The following OR6Y1 variants were observed in gnomAD, a reference collection of about 807,000 sequenced individuals.
OR6Y1 encodes olfactory receptor 6Y1.
OR6Y1 carries 1 observed loss-of-function variant against 0.4 expected under a neutral mutation model. That is an observed-to-expected ratio of 2.74 (90% CI 0.97 to 13.02). OR6Y1 has a LOEUF of 13.02. OR6Y1 is among the 30% of genes most tolerant of loss of function. The pLI is 0.12. For missense variants in OR6Y1, 480 were observed against 399.8 expected (o/e 1.20, Z -1.71); for synonymous variants, 173 against 141.1 (o/e 1.23, Z -1.60).
At chr1:158,553,340 C>T (rs537561909) in intron 1 of OR6Y1, among the ~76,000 whole-genome samples, 1 of 152,138 alleles carries the variant, frequency 6.6e-6, no homozygotes, top group Non-Finnish European at 1.5e-5. Context: ...TTCTAGTGTT[C>T]TATAGCACTG....
At chr1:158,552,651 T>C (rs1009644593) in intron 1 of OR6Y1, among the ~76,000 whole-genome samples, 1 of 152,048 alleles carries the variant, frequency 6.6e-6, no homozygotes, top group Non-Finnish European at 1.5e-5. Flanking sequence ...CCATACAAGC[T>C]CTGTGGGGAT....
chr1:158,551,116 T>A (rs1647693024), intron 1 of OR6Y1, among the ~76,000 whole-genome samples: 1 of 100,048 alleles, frequency 1.0e-5, no homozygotes, highest in Admixed American at 9.1e-5. Flanking sequence ...ATGAATTGGG[T>A]GAGGCTTTTT....
intron 1 of OR6Y1, among the ~76,000 whole-genome samples, chr1:158,550,927 C>T (rs555589531): frequency 6.6e-6 from 1 of 152,010 alleles, no homozygotes; most frequent in African/African-American, 2.4e-5. Context: ...ATCATTCTAT[C>T]TGATGTTCAC....
In OR6Y1 at chr1:158,549,195, T is replaced by C. The variant is rs1010913048; in HGVS notation, c.-1090A>G. ...TCAGAGAAAACAAGCAAGAATTCTATTAGTGACTCTTCTGCATTTCTGTTC... is the reference window on the plus strand; with the variant it reads ...TCAGAGAAAACAAGCAAGAATTCTACTAGTGACTCTTCTGCATTTCTGTTC... On this transcript the variant is annotated 5_prime_UTR_variant, in exon 2 of 2. An upstream open reading frame in the 5' UTR loses its in-frame stop. Coordinates refer to ENST00000641622, the MANE Select transcript of OR6Y1 (RefSeq NM_001005189.2). 2 of 151,808 alleles carry C rather than the reference T, an allele frequency of 1.3e-5. No individual in the cohort carries two copies. The highest frequency in any genetic ancestry group is 6.6e-5 in the Admixed American group (1 of 15,252). 9.4% of individuals were successfully genotyped at this position (151,808 alleles called of 1,614,324 possible). A position where few individuals can be genotyped will look rare whatever the true frequency, so the allele number is the denominator to read the frequency against.
chr1:158,547,699 C>CATGATGACTG lies in OR6Y1; in HGVS notation c.406_407insCAGTCATCAT (p.Arg136ProfsTer32). The CATGATGACTG allele has an allele frequency of 1.2e-6, 2 of 1,613,342 alleles. No homozygotes were observed. Among genetic ancestry groups the CATGATGACTG allele is most frequent in the Non-Finnish European group, 1.7e-6 (2 of 1,179,952 alleles). Reference sequence around the variant, plus strand: ...CTGGTTGGTCATGATGACTGGGTAGCGTAGTGGATTACAAATGGCTACATA... The same window carrying CATGATGACTG: ...CTGGTTGGTCATGATGACTGGGTAGCATGATGACTGGTAGTGGATTACAAATGGCTACATA... On this transcript the variant is annotated frameshift_variant, in exon 2 of 2. Transcript: ENST00000641622. LOFTEE classifies it low-confidence loss of function (END_TRUNC).
chr1:158,553,536 G>A (rs746713023), intron 1 of OR6Y1, among the ~76,000 whole-genome samples: 2 of 151,438 alleles, frequency 1.3e-5, no homozygotes, highest in East Asian at 1.9e-4. Context: ...CCGCAAATAC[G>A]TACAATTATA....
chr1:158,553,414 G>GAGTTTCAA (rs1176775586), intron 1 of OR6Y1, among the ~76,000 whole-genome samples: 1 of 152,044 alleles, frequency 6.6e-6, no homozygotes, highest in Non-Finnish European at 1.5e-5. Flanking sequence ...TTTGAAGGAG[G>GAGTTTCAA]ATACTGAATG....
At position 158,546,382 on chromosome 1, in the gene OR6Y1, A is replaced by C. The variant is rs79635994; in HGVS notation, c.*746T>G. The C allele has an allele frequency of 6.6e-6, 1 of 152,210 alleles. No homozygotes were observed. Among genetic ancestry groups the C allele is most frequent in the Non-Finnish European group, 1.5e-5 (1 of 68,036 alleles). 9.4% of individuals were successfully genotyped at this position (152,210 alleles called of 1,614,324 possible). Reference sequence around the variant, plus strand: ...TTTTTCCATTGAGAGTTTAATTTTTATAAGTTTATTTTAAAGTGTTTTTTA... The same window carrying C: ...TTTTTCCATTGAGAGTTTAATTTTTCTAAGTTTATTTTAAAGTGTTTTTTA... On this transcript the variant is annotated 3_prime_UTR_variant, in exon 2 of 2. Transcript: ENST00000641622.
intron 1 of OR6Y1, among the ~76,000 whole-genome samples, chr1:158,551,082 G>A (rs1557896702): frequency 6.6e-6 from 1 of 150,688 alleles, no homozygotes; most frequent in Non-Finnish European, 1.5e-5. Context: ...TGATTTTTGT[G>A]TATGAGTATG....
chr1:158,548,279 G>A lies in OR6Y1; in HGVS notation c.-174C>T. The A allele has an allele frequency of 3.4e-6, 2 of 595,864 alleles. No individual in the cohort carries two copies. Among genetic ancestry groups the A allele is most frequent in the South Asian group, 5.0e-5 (2 of 39,820 alleles). The allele number at this position is 595,864 out of a possible 1,614,324, so 36.9% of individuals were successfully genotyped here. ...AGAACCAAAGCTTTTGAGAAAAGAT[G>A]GAATTTAGGGAGCTTATATTTTAAC... On this transcript the variant is annotated 5_prime_UTR_variant, in exon 2 of 2. Coordinates refer to ENST00000641622, the MANE Select transcript of OR6Y1 (RefSeq NM_001005189.2).
intron 1 of OR6Y1, among the ~76,000 whole-genome samples, chr1:158,550,134 C>T (rs115655230): frequency 6.6e-6 from 1 of 151,838 alleles, no homozygotes; most frequent in Non-Finnish European, 1.5e-5. Flanking sequence ...TTCTTGGAAT[C>T]ACCCACAGTG....
At chr1:158,551,757 C>CAT (rs1202958166) in intron 1 of OR6Y1, among the ~76,000 whole-genome samples, 4 of 151,492 alleles carry the variant, frequency 2.6e-5, no homozygotes, top group Non-Finnish European at 5.9e-5. Flanking sequence ...CACACACACA[C>CAT]ACACACACAA....
intron 1 of OR6Y1, among the ~76,000 whole-genome samples, chr1:158,553,252 T>C (rs1314316899): frequency 6.6e-6 from 1 of 152,224 alleles, no homozygotes; most frequent in Non-Finnish European, 1.5e-5. Context: ...TGAAAATAAA[T>C]GTGGTCACAT....
At position 158,547,566 on chromosome 1, in the gene OR6Y1, A is replaced by T; in HGVS notation, c.540T>A (p.Asn180Lys). 6.2e-7 allele frequency: 1 copy of T among 1,613,338 alleles called. No homozygotes were observed. The change falls in exon 2 of 2, where the codon AAT (asparagine) becomes AAA (lysine). Residue 180 changes from asparagine to lysine, a missense_variant. Coordinates refer to ENST00000641622, the MANE Select transcript of OR6Y1 (RefSeq NM_001005189.2). Reference sequence around the variant, plus strand: ...GTGGAGAGATATCACAAAAGTAGTGATTGATCTGAGGCATGCCACAGTAGT... The same window carrying T: ...GTGGAGAGATATCACAAAAGTAGTGTTTGATCTGAGGCATGCCACAGTAGT... ...QLHYCGMPQI[N>K]HYFCDISPLL...
chr1:158,547,844 C>A lies in OR6Y1; in HGVS notation c.262G>T (p.Val88Phe). The A allele has an allele frequency of 6.2e-7, 1 of 1,613,602 alleles. No homozygotes were observed. Among genetic ancestry groups the A allele is most frequent in the East Asian group, 2.2e-5 (1 of 44,872 alleles). The change falls in exon 2 of 2, where the codon GTT becomes TTT. Residue 88 changes from valine to phenylalanine, a missense_variant. By Grantham distance (50) the Val-to-Phe change is conservative. Coordinates refer to ENST00000641622, the MANE Select transcript of OR6Y1 (RefSeq NM_001005189.2). ...CTCTTGTCATGACTGAGGAAGTCAA[C>A]AAGCATCTTGGGGCTGATGACTGTG... ...YVTVISPKML[V>F]DFLSHDKSIS...
In OR6Y1 at chr1:158,547,001, G is replaced by GCACA; in HGVS notation, c.*123_*126dup. 1.2e-6 allele frequency: 1 copy of GCACA among 825,350 alleles called. No individual in the cohort carries two copies. The highest frequency in any genetic ancestry group is 1.9e-6 in the Non-Finnish European group (1 of 533,312). The allele number at this position is 825,350 out of a possible 1,614,324, so 51.1% of individuals were successfully genotyped here. On this transcript the variant is annotated 3_prime_UTR_variant, in exon 2 of 2. Transcript: ENST00000641622. ...ATTGTGTATACACACACACACACAT[G>GCACA]CACACACACACAGAGGAGAGCAGTG...
chr1:158,546,846 T>A lies in OR6Y1; in HGVS notation c.*282A>T, dbSNP rs1647549545. 3 of 268,402 alleles carry A rather than the reference T, an allele frequency of 1.1e-5. No individual in the cohort carries two copies. The Admixed American group carries it at 1.5e-4, about 13-fold the overall frequency. 16.6% of individuals were successfully genotyped at this position (268,402 alleles called of 1,614,324 possible). A position where few individuals can be genotyped will look rare whatever the true frequency, so the allele number is the denominator to read the frequency against. On this transcript the variant is annotated 3_prime_UTR_variant, in exon 2 of 2. Coordinates refer to ENST00000641622, the MANE Select transcript of OR6Y1 (RefSeq NM_001005189.2). ...TTCATCTTCCTCCTTTCCTCCCTCC[T>A]ACCACCCACTCTCTCTGTCTCTCTC...
At position 158,549,028 on chromosome 1, in the gene OR6Y1, T is replaced by C. The variant is rs1212780545; in HGVS notation, c.-923A>G. The C allele has an allele frequency of 2.0e-5, 3 of 151,142 alleles. No homozygotes were observed. Among genetic ancestry groups the C allele is most frequent in the Non-Finnish European group, 4.4e-5 (3 of 67,950 alleles). The allele number at this position is 151,142 out of a possible 1,614,324, so 9.4% of individuals were successfully genotyped here. ...CACACACTCCACCCCACACAAAGTT[T>C]CCCCCACCCCAACTTCAACCCCTGC... On this transcript the variant is annotated 5_prime_UTR_variant, in exon 2 of 2. Coordinates refer to ENST00000641622, the MANE Select transcript of OR6Y1 (RefSeq NM_001005189.2).
chr1:158,546,701 A>G lies in OR6Y1; in HGVS notation c.*427T>C, dbSNP rs1344702595. ...GTTGAACTTTTTCTTTTACTTCTACAATATAGAGTGTTTAAAAACCCTTTT... is the reference window on the plus strand; with the variant it reads ...GTTGAACTTTTTCTTTTACTTCTACGATATAGAGTGTTTAAAAACCCTTTT... On this transcript the variant is annotated 3_prime_UTR_variant, in exon 2 of 2. Transcript: ENST00000641622. 1.3e-5 allele frequency: 2 copies of G among 159,428 alleles called. No individual in the cohort carries two copies. Among genetic ancestry groups the G allele is most frequent in the Admixed American group, 1.2e-4 (2 of 16,712 alleles). The allele number at this position is 159,428 out of a possible 1,614,324, so 9.9% of individuals were successfully genotyped here. A position where few individuals can be genotyped will look rare whatever the true frequency, so the allele number is the denominator to read the frequency against.
Sources: allele counts gnomAD v4.1 joint callset (sites outside exome capture counted in the v4.1 genomes callset), GRCh38; gene constraint gnomAD v4.1.1; transcripts MANE v1.5; gene names NCBI Gene and HGNC (gene_info 2026-07-23, HGNC 2026-07-21).